RAPGEF2: variants seen among roughly 807,000 people sequenced by gnomAD.
The protein encoded by RAPGEF2 is Rap guanine nucleotide exchange factor 2.
Under a neutral mutation model 186.7 loss-of-function variants are expected in RAPGEF2, and 54 were observed. The observed-to-expected ratio is 0.29, with a 90% CI of 0.23 to 0.36. The LOEUF (loss-of-function observed/expected upper bound fraction) is 0.36. RAPGEF2 is among the 10% of genes least tolerant of loss of function. The pLI, the probability that RAPGEF2 is intolerant of heterozygous loss-of-function variation, is 1.00. For synonymous variants in RAPGEF2, 712 were observed against 705.9 expected, an observed-to-expected ratio of 1.01 and a Z score of -0.14; for missense variants, 1,532 against 2,045.0, an observed-to-expected ratio of 0.75 and a Z score of 4.84.
intron 1 of RAPGEF2, among the ~76,000 whole-genome samples, chr4:159,174,756 C>CTTTTTTTTTTTTTT: frequency 8.9e-6 from 1 of 112,550 alleles, no homozygotes; most frequent in South Asian, 2.6e-4. Flanking sequence ...TCTTTTCTTT[C>CTTTTTTTTTTTTTT]TTTCTTTTTT....
intron 1 of RAPGEF2, 83 bp from the exon 2 acceptor site, chr4:159,186,559 T>C (rs768020082): frequency 8.5e-6 from 5 of 587,460 alleles, no homozygotes; most frequent in Middle Eastern, 2.7e-4. Flanking sequence ...TAGTTTAATT[T>C]GGTTTGTAGA....
rs1389857181 is a variant in RAPGEF2 at position 159,341,799 on chromosome 4, G to A, written c.2770G>A (p.Val924Ile). 4 of 1,613,922 alleles carry A rather than the reference G, an allele frequency of 2.5e-6. No individual in the cohort carries two copies. In the South Asian group the frequency reaches 4.4e-5, roughly 18 times the overall value. Reference sequence around the variant, plus strand: ...TGCCAACCTGAAGAGATTTGAAGAAGTCATTAACCAGGAAACATTTTGGGT... The same window carrying A: ...TGCCAACCTGAAGAGATTTGAAGAAATCATTAACCAGGAAACATTTTGGGT... ...SCANLKRFEE[V>I]INQETFWVAS... The change falls in exon 20 of 30, where the codon GTC becomes ATC. Residue 924 changes from valine to isoleucine, a missense_variant. Physicochemically the swap from Val to Ile is conservative, Grantham distance 29. This residue lies in a region of RAPGEF2 where 810 missense variants were observed against 1,210.5 expected (regional missense o/e 0.67). Coordinates refer to ENST00000691494, the MANE Select transcript of RAPGEF2 (RefSeq NM_001394067.2).
rs968600208 is a variant in RAPGEF2, at chr4:159,331,492, C to A, written c.1529C>A (p.Ala510Glu). The A allele has an allele frequency of 8.1e-6, 13 of 1,613,306 alleles. No individual in the cohort carries two copies. The highest frequency in any genetic ancestry group is 1.3e-5 in the African/African-American group (1 of 74,862). ...NHFNDFEGDP[A>E]MTRFLEEFEN... ...TTCAATGACTTTGAAGGAGATCCTG[C>A]AATGACTCGATTTTTAGAAGAATTT... The change falls in exon 14 of 30, where the codon GCA becomes GAA. Residue 510 changes from alanine (A) to glutamate (E), a missense_variant. Physicochemically the swap from Ala to Glu is moderately radical, Grantham distance 107. Around this residue, in one of 4 missense-constraint regions of RAPGEF2, gnomAD observed 810 missense variants for 1,210.5 expected, o/e 0.67. Coordinates refer to ENST00000691494, the MANE Select transcript of RAPGEF2 (RefSeq NM_001394067.2).
intron 3 of RAPGEF2, among the ~76,000 whole-genome samples, chr4:159,200,019 G>A (rs1458022022): frequency 6.6e-6 from 1 of 151,702 alleles, no homozygotes; most frequent in African/African-American, 2.4e-5. Flanking sequence ...TTTACCCTCA[G>A]TTTAGCTGAC....
intron 1 of RAPGEF2, among the ~76,000 whole-genome samples, chr4:159,178,300 G>A (rs1358424947): frequency 6.6e-6 from 1 of 152,260 alleles, no homozygotes; most frequent in South Asian, 2.1e-4. Context: ...GGTATGGGCA[G>A]GCAGTCAGGA....
rs556923824 is a variant in RAPGEF2, at chr4:159,119,183, G to A, written c.69+14952G>A. On this transcript the variant is annotated intron_variant, in intron 1 of 29. Coordinates refer to ENST00000691494, the MANE Select transcript of RAPGEF2 (RefSeq NM_001394067.2). ...AAAATCTAAAGGTAGACAGTGCAGG[G>A]TTGGGTTGGTGCAGACGCTCAAGGA... 1.8e-4 allele frequency among the ~76,000 whole-genome samples: 27 copies of A among 152,242 alleles called. No individual in the cohort carries two copies. The South Asian group carries it at 5.0e-3, about 28-fold the overall frequency.
chr4:159,128,177 T>G (rs1417886969), intron 1 of RAPGEF2, among the ~76,000 whole-genome samples: 1 of 152,224 alleles, frequency 6.6e-6, no homozygotes, highest in African/African-American at 2.4e-5. Context: ...GAAAAAATAC[T>G]GAGACTAATA....
chr4:159,113,212 A>G (rs1331885774), intron 1 of RAPGEF2, among the ~76,000 whole-genome samples: 1 of 152,190 alleles, frequency 6.6e-6, no homozygotes, highest in Non-Finnish European at 1.5e-5. Context: ...AAGAACAACA[A>G]CAAAAAAACA....
At chr4:159,198,315 T>TC (rs1561075113) in intron 3 of RAPGEF2, among the ~76,000 whole-genome samples, 2 of 40,240 alleles carry the variant, frequency 5.0e-5, no homozygotes, top group African/African-American at 2.1e-4. Context: ...TCTTTCTTTC[T>TC]TTCTTTCTTT....
intron 7 of RAPGEF2, among the ~76,000 whole-genome samples, chr4:159,295,407 T>A (rs1216485765): frequency 6.6e-6 from 1 of 152,196 alleles, no homozygotes; most frequent in Non-Finnish European, 1.5e-5. Context: ...CATTTGTGTG[T>A]GTGTGTGTAT....
At chr4:159,326,183 C>A (rs1765899105) in intron 11 of RAPGEF2, among the ~76,000 whole-genome samples, 1 of 152,168 alleles carries the variant, frequency 6.6e-6, no homozygotes, top group African/African-American at 2.4e-5. Context: ...AATGTAAGTA[C>A]TTGCTTGGGA....
intron 1 of RAPGEF2, among the ~76,000 whole-genome samples, chr4:159,122,767 G>T (rs1739848616): frequency 6.6e-6 from 1 of 152,114 alleles, no homozygotes; most frequent in African/African-American, 2.4e-5. Flanking sequence ...CATCTTTTTA[G>T]TGCAATACTG....
chr4:159,104,521 A>AGAGAGAGAGAGAGAGAGAGG (rs1560964711), intron 1 of RAPGEF2, among the ~76,000 whole-genome samples: 1 of 124,802 alleles, frequency 8.0e-6, no homozygotes, highest in Non-Finnish European at 1.7e-5. Flanking sequence ...AGAGAGAGAG[A>AGAGAGAGAGAGAGAGAGAGG]GAGAGGGAGA....
intron 8 of RAPGEF2, among the ~76,000 whole-genome samples, chr4:159,308,295 T>G (rs1255801314): frequency 6.6e-6 from 1 of 152,224 alleles, no homozygotes; most frequent in African/African-American, 2.4e-5. Flanking sequence ...AGATAGCCTG[T>G]AAGTATATAT....
intron 9 of RAPGEF2, among the ~76,000 whole-genome samples, chr4:159,319,855 G>C (rs553854152): frequency 6.6e-6 from 1 of 151,734 alleles, no homozygotes; most frequent in African/African-American, 2.4e-5. Flanking sequence ...CAAAAAGCAC[G>C]CAATATGTCT....
chr4:159,166,191 G>T (rs1319804661), intron 1 of RAPGEF2, among the ~76,000 whole-genome samples: 1 of 152,110 alleles, frequency 6.6e-6, no homozygotes, highest in Non-Finnish European at 1.5e-5. Context: ...GCGGGCACCT[G>T]TAGTCCCAGC....
rs938540211 is a variant in RAPGEF2, at chr4:159,220,050, C to T, written c.281+9467C>T. 2.6e-5 allele frequency among the ~76,000 whole-genome samples: 4 copies of T among 152,144 alleles called. No individual in the cohort carries two copies. In the South Asian group the frequency reaches 6.2e-4, roughly 24 times the overall value. ...GACATTCAGTAATGAGAGACATAACCTTTGGATTTAGCAACTTGGGAGTCC... is the reference window on the plus strand; with the variant it reads ...GACATTCAGTAATGAGAGACATAACTTTTGGATTTAGCAACTTGGGAGTCC... On this transcript the variant is annotated intron_variant, in intron 4 of 29. Transcript: ENST00000691494.
chr4:159,262,967 T>C (rs1757041809), intron 7 of RAPGEF2, among the ~76,000 whole-genome samples: 1 of 152,210 alleles, frequency 6.6e-6, no homozygotes, highest in South Asian at 2.1e-4. Context: ...TTAGATTCAC[T>C]TAGATGTTTA....
In RAPGEF2 at chr4:159,267,721, T is replaced by G. The variant is rs189895812; in HGVS notation, c.543+23930T>G. 4.1e-5 allele frequency: 41 copies of G among 1,009,498 alleles called. No individual in the cohort carries two copies. In the African/African-American group the frequency reaches 6.2e-4, roughly 15 times the overall value. The allele number at this position is 1,009,498 out of a possible 1,614,324, so 62.5% of individuals were successfully genotyped here. On this transcript the variant is annotated intron_variant, in intron 7 of 29. Transcript: ENST00000691494. Reference sequence around the variant, plus strand: ...CTAGAGCCTGGTTCTTATACCACCCTGACTAATATAATTCTGTGTTAAGCC... The same window carrying G: ...CTAGAGCCTGGTTCTTATACCACCCGGACTAATATAATTCTGTGTTAAGCC...
Sources: allele counts gnomAD v4.1 joint callset (sites outside exome capture counted in the v4.1 genomes callset), GRCh38; gene constraint gnomAD v4.1.1; regional missense constraint gnomAD v4.1.1; transcripts MANE v1.5; gene names NCBI Gene and HGNC (gene_info 2026-07-23, HGNC 2026-07-21).